Variants in MPP7 observed in about 807,000 individuals in gnomAD.
MPP7 encodes MAGUK p55 subfamily member 7.
MPP7 carries 60 observed loss-of-function variants against 76.5 expected under a neutral mutation model. That is an observed-to-expected ratio of 0.78 (90% CI 0.64 to 0.97). The LOEUF (loss-of-function observed/expected upper bound fraction) is 0.97, where lower values mean the gene tolerates loss of function less well. Ranked by LOEUF, MPP7 falls within the 50% of genes least tolerant of loss-of-function variation. The pLI, the probability that MPP7 is intolerant of heterozygous loss-of-function variation, is 0.00. For missense variants in MPP7, 641 were observed against 694.0 expected (o/e 0.92, Z 0.86); for synonymous variants, 237 against 244.5 (o/e 0.97, Z 0.29).
At position 28,309,275 on chromosome 10, in the gene MPP7, G is replaced by A. The variant is rs142659879; in HGVS notation, c.-132+20654C>T. ...CTAAAAATACAAAAATTAGCTGAGC[G>A]TGGTGGCAGGTGCCTGTAGTCCCAG... On this transcript the variant is annotated intron_variant, in intron 2 of 11. Coordinates refer to the MPP7 transcript ENST00000441595. Among the ~76,000 whole-genome samples the A allele has an allele frequency of 2.4e-3, 359 of 152,146 alleles. 1 individual carries two copies. Among genetic ancestry groups the A allele is most frequent in the African/African-American group, 7.2e-3 (297 of 41,514 alleles).
At chr10:28,155,116 C>T (rs1355686028) in intron 3 of MPP7, among the ~76,000 whole-genome samples, 6 of 152,020 alleles carry the variant, frequency 3.9e-5, no homozygotes, top group Non-Finnish European at 8.8e-5. Flanking sequence ...TGGAATGAAC[C>T]GTCTTAAAAC....
chr10:28,107,098 T>G (rs1370609332), intron 11 of MPP7, among the ~76,000 whole-genome samples: 2 of 152,166 alleles, frequency 1.3e-5, no homozygotes, highest in Non-Finnish European at 2.9e-5. Flanking sequence ...AACCTAAAAC[T>G]TATGATCTCA....
intron 3 of MPP7, among the ~76,000 whole-genome samples, chr10:28,170,596 TATA>T (rs1836647931): frequency 6.7e-6 from 1 of 149,580 alleles, no homozygotes; most frequent in Admixed American, 6.7e-5. Context: ...ATTACATAAT[TATA>T]ATATTTATAA....
intron 2 of MPP7, among the ~76,000 whole-genome samples, chr10:28,209,491 T>C (rs901448346): frequency 2.6e-5 from 4 of 151,016 alleles, no homozygotes; most frequent in Non-Finnish European, 2.9e-5. Context: ...AAAAACTATG[T>C]GTGTGTCTCT....
intron 11 of MPP7, among the ~76,000 whole-genome samples, chr10:28,111,859 T>A (rs568997230): frequency 8.6e-4 from 131 of 152,304 alleles, no homozygotes; most frequent in African/African-American, 2.9e-3. Flanking sequence ...GAGGCAAATC[T>A]AACTATGAGT....
chr10:28,131,618 A>G lies in MPP7; in HGVS notation c.389T>C (p.Ile130Thr), dbSNP rs943915653. Residue 130 changes from isoleucine to threonine, a missense_variant, in exon 6 of 17, where the codon ATT (isoleucine) becomes ACT (threonine). Coordinates refer to ENST00000683449, the MANE Select transcript of MPP7 (RefSeq NM_001318170.2). ...TTTTACTGAGTCTTCCTCATCGTCA[A>G]TATCTTCAGGCATAGGAGGCAACAC... ...DPVLPPMPED[I>T]DDEEDSVKII... 3.1e-6 allele frequency: 5 copies of G among 1,607,318 alleles called. No homozygotes were observed. The highest frequency in any genetic ancestry group is 1.3e-5 in the African/African-American group (1 of 74,730).
chr10:28,124,624 C>T (rs1452306396), intron 7 of MPP7, among the ~76,000 whole-genome samples: 2 of 150,778 alleles, frequency 1.3e-5, no homozygotes, highest in Non-Finnish European at 2.9e-5. Context: ...TACAGGTGCC[C>T]GCCACCACAC....
intron 3 of MPP7, among the ~76,000 whole-genome samples, chr10:28,200,537 C>T (rs1019266903): frequency 2.0e-5 from 3 of 152,182 alleles, no homozygotes; most frequent in South Asian, 4.1e-4. Context: ...CAGCTTAAAA[C>T]TCAAGCCAGT....
At position 28,089,753 on chromosome 10, in the gene MPP7, G is replaced by A; in HGVS notation, c.1041C>T (p.Asp347=). The part of the protein sequence containing the change: ...MYECKKSDQY[D]TADVPTYEEV... ...CTTCGTATGTGGGTACGTCAGCTGT[G>A]TCGTACTGATCACTCTTCTTGCATT... is the stretch of plus-strand genomic sequence containing the variant. Residue 347 remains aspartate, a synonymous_variant, in exon 12 of 17, where the codon GAC becomes GAT. Coordinates refer to ENST00000683449, the MANE Select transcript of MPP7 (RefSeq NM_001318170.2). 6.2e-7 allele frequency: 1 copy of A among 1,613,120 alleles called. No homozygotes were observed. The highest frequency in any genetic ancestry group is 1.1e-5 in the South Asian group (1 of 91,026).
intron 5 of MPP7, among the ~76,000 whole-genome samples, chr10:28,134,529 T>A (rs1835294946): frequency 6.6e-6 from 1 of 152,204 alleles, no homozygotes; most frequent in South Asian, 2.1e-4. Flanking sequence ...CAATAAATGT[T>A]TTTTTCCTTT....
chr10:28,237,751 C>T (rs1375508626), intron 2 of MPP7, among the ~76,000 whole-genome samples: 1 of 152,170 alleles, frequency 6.6e-6, no homozygotes, highest in Non-Finnish European at 1.5e-5. Flanking sequence ...TTTCGTCACA[C>T]TATGTTACCA....
intron 3 of MPP7, among the ~76,000 whole-genome samples, chr10:28,193,753 G>T (rs1181852509): frequency 6.6e-6 from 1 of 151,930 alleles, no homozygotes; most frequent in Admixed American, 6.6e-5. Flanking sequence ...CAAAAAATCT[G>T]AATAGACACC....
At chr10:28,274,643 T>G (rs1310308652) in intron 1 of MPP7, among the ~76,000 whole-genome samples, 2 of 152,192 alleles carry the variant, frequency 1.3e-5, no homozygotes, top group Non-Finnish European at 2.9e-5. Context: ...ACCCAGTGTT[T>G]ACACAGTGCC....
Position 28,313,853 on chromosome 10 carries a change from A to ATTTTTTTTTTTTTTTTTTT in MPP7, c.-132+16075_-132+16076insAAAAAAAAAAAAAAAAAAA, listed in dbSNP as rs1192149562. Among the ~76,000 whole-genome samples, 2 of 32,676 alleles carry ATTTTTTTTTTTTTTTTTTT rather than the reference A, an allele frequency of 6.1e-5. 1 individual carries two copies. Among genetic ancestry groups the ATTTTTTTTTTTTTTTTTTT allele is most frequent in the African/African-American group, 3.1e-4 (2 of 6,404 alleles). The allele number at this position is 32,676 out of a possible 152,430, so 21.4% of individuals were successfully genotyped here. The stretch of plus-strand genomic sequence containing the variant: ...AGGTGTGTGCCACTATACCTGGCTA[A>ATTTTTTTTTTTTTTTTTTT]TTTTTTTTTTTTTATTTTTTTTATT... On this transcript the variant is annotated intron_variant, in intron 2 of 11. Transcript: ENST00000441595.
At chr10:28,294,634 C>T (rs1163696110) in intron 1 of MPP7, among the ~76,000 whole-genome samples, 3 of 152,116 alleles carry the variant, frequency 2.0e-5, no homozygotes, top group African/African-American at 4.8e-5. Flanking sequence ...CATATTTTTT[C>T]CCCAGCACAG....
chr10:28,265,993 G>A (rs889364159), intron 1 of MPP7, among the ~76,000 whole-genome samples: 1 of 151,984 alleles, frequency 6.6e-6, no homozygotes, highest in African/African-American at 2.4e-5. Context: ...TTGGAGACAG[G>A]GTCTCACTCT....
intron 3 of MPP7, among the ~76,000 whole-genome samples, chr10:28,160,910 AAAG>A (rs1393296351): frequency 6.6e-6 from 1 of 152,190 alleles, no homozygotes; most frequent in East Asian, 1.9e-4. Context: ...GTTCACTTAA[AAAG>A]AGACACAGAA....
chr10:28,127,864 A>T (rs976743476), intron 6 of MPP7, among the ~76,000 whole-genome samples: 4 of 152,190 alleles, frequency 2.6e-5, no homozygotes, highest in African/African-American at 9.7e-5. Flanking sequence ...CTCACTGAGA[A>T]GATGATGTCT....
chr10:28,230,947 A>G (rs976973892), intron 2 of MPP7, among the ~76,000 whole-genome samples: 2 of 152,236 alleles, frequency 1.3e-5, no homozygotes, highest in Admixed American at 6.5e-5. Context: ...AAAATCAATT[A>G]GAATACAGAA....
Sources: allele counts gnomAD v4.1 joint callset (sites outside exome capture counted in the v4.1 genomes callset), GRCh38; gene constraint gnomAD v4.1.1; transcripts MANE v1.5; gene names NCBI Gene and HGNC (gene_info 2026-07-23, HGNC 2026-07-21).